CBL: variants seen among roughly 807,000 people sequenced by gnomAD.
The protein encoded by CBL is Cbl proto-oncogene, also known as E3 ubiquitin-protein ligase CBL.
CBL carries 45 observed loss-of-function variants against 96.9 expected under a neutral mutation model. That is an observed-to-expected ratio of 0.46 (90% confidence interval 0.37 to 0.60). CBL has a LOEUF of 0.60. Among genes scored for constraint, CBL ranks in the 20% least tolerant of loss-of-function variants. The pLI is 0.00. For missense variants in CBL, 1,024 were observed against 1,143.5 expected (o/e 0.90, Z 1.51); for synonymous variants, 420 against 426.8 (o/e 0.98, Z 0.20).
intron 12 of CBL, 85 bp from the exon 13 acceptor site, chr11:119,296,833 T>C (rs973454699): frequency 5.4e-6 from 4 of 739,472 alleles, no homozygotes; most frequent in African/African-American, 3.4e-5. Context: ...ATTTGAGTTA[T>C]GTCTGTTTTT....
Position 119,302,245 on chromosome 11 carries a change from TTGAC to T in CBL, c.*2467_*2470del, listed in dbSNP as rs1412364187. 16 of 232,792 alleles carry T rather than the reference TTGAC, an allele frequency of 6.9e-5. No homozygotes were observed. The highest frequency in any genetic ancestry group is 3.3e-4 in the African/African-American group (15 of 45,450). The allele number at this position is 232,792 out of a possible 1,614,324, so 14.4% of individuals were successfully genotyped here. A position where few individuals can be genotyped will look rare whatever the true frequency, so the allele number is the denominator to read the frequency against. On this transcript the variant is annotated 3_prime_UTR_variant, in exon 16 of 16. Transcript: ENST00000264033. ...GGATCATTTCATGAGGATCTTTCCTTTGACTGGGTGCTGTGAGGACACACCTGGG... is the reference window on the plus strand; with the variant it reads ...GGATCATTTCATGAGGATCTTTCCTTTGGGTGCTGTGAGGACACACCTGGG...
chr11:119,209,616 CAA>C (rs35580329), intron 1 of CBL, among the ~76,000 whole-genome samples: 6 of 132,636 alleles, frequency 4.5e-5, no homozygotes, highest in Admixed American at 7.7e-5. Flanking sequence ...GACTCCGTCT[CAA>C]AAAAAAAAAA....
chr11:119,255,097 C>T (rs191215491), intron 2 of CBL, among the ~76,000 whole-genome samples: 1 of 152,248 alleles, frequency 6.6e-6, no homozygotes, highest in East Asian at 1.9e-4. Context: ...AGAATTCTGC[C>T]TGCCTTCCCC....
intron 3 of CBL, among the ~76,000 whole-genome samples, chr11:119,272,735 A>G (rs1354839932): frequency 6.6e-6 from 1 of 152,040 alleles, no homozygotes; most frequent in African/African-American, 2.4e-5. Context: ...ACCAGTCAAG[A>G]TTCTTATTCT....
chr11:119,275,588 G>T (rs779961864), intron 5 of CBL, among the ~76,000 whole-genome samples: 1 of 152,044 alleles, frequency 6.6e-6, no homozygotes, highest in African/African-American at 2.4e-5. Context: ...TCTTGGCTGG[G>T]TGTGGTGGCT....
At chr11:119,222,874 G>A (rs908505649) in intron 1 of CBL, among the ~76,000 whole-genome samples, 6 of 151,868 alleles carry the variant, frequency 4.0e-5, no homozygotes, top group African/African-American at 1.2e-4. Flanking sequence ...TATTAATATC[G>A]AGAGTATCAA....
chr11:119,287,818 A>C, intron 11 of CBL, 34 bp from the exon 12 acceptor site: 1 of 1,350,826 alleles, frequency 7.4e-7, no homozygotes, highest in Non-Finnish European at 1.1e-6. Context: ...TGTGGTAAGA[A>C]AGTTGTTTTT....
At chr11:119,249,600 A>G (rs80101108) in intron 2 of CBL, among the ~76,000 whole-genome samples, 2,333 of 151,584 alleles carry the variant, frequency 0.015, 56 homozygotes, top group African/African-American at 0.053. Flanking sequence ...ATTGAAATCA[A>G]ATAACAAAAG....
intron 1 of CBL, among the ~76,000 whole-genome samples, chr11:119,219,376 C>CAAAAA (rs112712991): frequency 1.6e-5 from 2 of 124,304 alleles, no homozygotes; most frequent in Non-Finnish European, 3.4e-5. Flanking sequence ...GACTCTGTCT[C>CAAAAA]AAAAAAAAAA....
rs1052153341 is a variant in CBL at position 119,282,894 on chromosome 11, G to A, written c.1432-2075G>A. Reference sequence around the variant, plus strand: ...AGCCCAGAGGTTTGAGTCCACCCTGGGCAACATGACAAGACCCCGTCTACC... The same window carrying A: ...AGCCCAGAGGTTTGAGTCCACCCTGAGCAACATGACAAGACCCCGTCTACC... On this transcript the variant is annotated intron_variant, in intron 9 of 15. Coordinates refer to ENST00000264033, the MANE Select transcript of CBL (RefSeq NM_005188.4). Among the ~76,000 whole-genome samples the A allele has an allele frequency of 2.6e-5, 4 of 152,078 alleles. No homozygotes were observed. In the East Asian group the frequency reaches 7.7e-4, roughly 29 times the overall value.
rs552719837 is a variant in CBL, at chr11:119,279,253, A to G, written c.1431+540A>G. On this transcript the variant is annotated intron_variant, in intron 9 of 15. Coordinates refer to ENST00000264033, the MANE Select transcript of CBL (RefSeq NM_005188.4). ...GCCCATAGCTCATGCCTATAATCCCAGTACTTTGGGACGTTGAGGCTGGAG... is the reference window on the plus strand; with the variant it reads ...GCCCATAGCTCATGCCTATAATCCCGGTACTTTGGGACGTTGAGGCTGGAG... Among the ~76,000 whole-genome samples the G allele has an allele frequency of 4.2e-3, 636 of 151,742 alleles. 6 individuals carry two copies. The highest frequency in any genetic ancestry group is 5.5e-3 in the Non-Finnish European group (374 of 67,946).
At chr11:119,264,153 A>G (rs576298553) in intron 2 of CBL, among the ~76,000 whole-genome samples, 18 of 152,342 alleles carry the variant, frequency 1.2e-4, no homozygotes, top group South Asian at 8.3e-4. Context: ...CTTGAGAACG[A>G]TAGGATCATT....
rs1161524490 is a variant in CBL at position 119,304,563 on chromosome 11, C to A, written c.*4782C>A. 1 of 232,376 alleles carries A rather than the reference C, an allele frequency of 4.3e-6. No individual in the cohort carries two copies. Among genetic ancestry groups the A allele is most frequent in the Non-Finnish European group, 8.5e-6 (1 of 117,688 alleles). 14.4% of individuals were successfully genotyped at this position (232,376 alleles called of 1,614,324 possible). ...GTGGCCCCCAAATAGGCACTCTAGT[C>A]CTCAAGTCTACACCACCTTCCAACT... is the stretch of plus-strand genomic sequence containing the variant. On this transcript the variant is annotated 3_prime_UTR_variant, in exon 16 of 16. Coordinates refer to ENST00000264033, the MANE Select transcript of CBL (RefSeq NM_005188.4).
At position 119,305,384 on chromosome 11, in the gene CBL, G is replaced by A. The variant is rs1471100169; in HGVS notation, c.*5603G>A. ...GCCTTCTTCCGTGTTTATTTAGAGA[G>A]CAGAATCTAATAACGGGTTCCACTG... is the stretch of plus-strand genomic sequence containing the variant. On this transcript the variant is annotated 3_prime_UTR_variant, in exon 16 of 16. Transcript: ENST00000264033. 2.2e-5 allele frequency: 5 copies of A among 230,900 alleles called. No homozygotes were observed. Among genetic ancestry groups the A allele is most frequent in the African/African-American group, 1.1e-4 (5 of 45,178 alleles). 14.3% of individuals were successfully genotyped at this position (230,900 alleles called of 1,614,324 possible).
intron 1 of CBL, among the ~76,000 whole-genome samples, chr11:119,214,144 T>C (rs1949339535): frequency 6.6e-6 from 1 of 151,856 alleles, no homozygotes; most frequent in African/African-American, 2.4e-5. Flanking sequence ...AGGGTTTCAC[T>C]ATGTTGGCCA....
At chr11:119,241,165 G>A (rs1174812477) in intron 2 of CBL, among the ~76,000 whole-genome samples, 2 of 152,086 alleles carry the variant, frequency 1.3e-5, no homozygotes, top group Admixed American at 6.5e-5. Flanking sequence ...GTTATTATTA[G>A]CTGGTTTAAG....
chr11:119,235,816 C>T (rs369631115), intron 2 of CBL, among the ~76,000 whole-genome samples: 1 of 152,086 alleles, frequency 6.6e-6, no homozygotes, highest in Admixed American at 6.6e-5. Flanking sequence ...GTGTGCCTGT[C>T]TGTATCAATT....
rs1385824818 is a variant in CBL, at chr11:119,305,054, C to CT, written c.*5274dup. 7 of 218,024 alleles carry CT rather than the reference C, an allele frequency of 3.2e-5. No individual in the cohort carries two copies. Among genetic ancestry groups the CT allele is most frequent in the African/African-American group, 1.6e-4 (7 of 44,478 alleles). The allele number at this position is 218,024 out of a possible 1,614,324, so 13.5% of individuals were successfully genotyped here. ...TCCTTCAGCTGGAGACAGGGAGCTT[C>CT]TCAGAGAAGTGAGCAGAGACTCCAC... On this transcript the variant is annotated 3_prime_UTR_variant, in exon 16 of 16. Transcript: ENST00000264033.
At position 119,301,270 on chromosome 11, in the gene CBL, T is replaced by G. The variant is rs1252931361; in HGVS notation, c.*1489T>G. 4.3e-6 allele frequency: 1 copy of G among 233,104 alleles called. No homozygotes were observed. The highest frequency in any genetic ancestry group is 8.5e-6 in the Non-Finnish European group (1 of 118,012). The allele number at this position is 233,104 out of a possible 1,614,324, so 14.4% of individuals were successfully genotyped here. A position where few individuals can be genotyped will look rare whatever the true frequency, so the allele number is the denominator to read the frequency against. On this transcript the variant is annotated 3_prime_UTR_variant, in exon 16 of 16. Coordinates refer to ENST00000264033, the MANE Select transcript of CBL (RefSeq NM_005188.4). Reference sequence around the variant, plus strand: ...AGTCAAAGACAGTATGGGCTGGCAGTTTGTGTAATTGCAAGTTCATAAAGA... The same window carrying G: ...AGTCAAAGACAGTATGGGCTGGCAGGTTGTGTAATTGCAAGTTCATAAAGA...
Sources: allele counts gnomAD v4.1 joint callset (sites outside exome capture counted in the v4.1 genomes callset), GRCh38; gene constraint gnomAD v4.1.1; transcripts MANE v1.5; gene names NCBI Gene and HGNC (gene_info 2026-07-23, HGNC 2026-07-21).